LRP1B: variants seen among roughly 807,000 people sequenced by gnomAD.
LRP1B encodes the protein LDL receptor related protein 1B.
In LRP1B, 217 loss-of-function variants were observed where a neutral mutation model predicts 556.6. That is an observed-to-expected ratio of 0.39 (90% CI 0.35 to 0.44). LRP1B has a LOEUF of 0.44. LRP1B is among the 20% of genes least tolerant of loss of function. LRP1B has a pLI of 1.00. For synonymous variants in LRP1B, 2,047 were observed against 1,865.8 expected (o/e 1.10, Z -2.50); for missense variants, 5,053 against 5,620.8 (o/e 0.90, Z 3.23).
rs550593924 is a variant in LRP1B, at chr2:140,485,396, G to A, written c.9372C>T (p.Leu3124=). Residue 3124 remains leucine, a synonymous_variant, in exon 59 of 91, where the codon CTC becomes CTT. Coordinates refer to ENST00000389484, the MANE Select transcript of LRP1B (RefSeq NM_018557.3). ...SKLNGLYPTI[L]VSKRLKFPRD... is the part of the protein sequence containing the mutation. The stretch of plus-strand genomic sequence containing the variant: ...TGGGAAACTTCAGCCTTTTGCTAAC[G>A]AGTATAGTAGGGTACAAGCCATTGA... The A allele has an allele frequency of 3.7e-6, 6 of 1,613,052 alleles. No individual in the cohort carries two copies. The African/African-American group carries it at 4.0e-5, about 11-fold the overall frequency.
At chr2:142,092,971 T>C (rs1046366936) in intron 1 of LRP1B, among the ~76,000 whole-genome samples, 8 of 152,058 alleles carry the variant, frequency 5.3e-5, no homozygotes, top group African/African-American at 1.7e-4. Context: ...CAAAATCACA[T>C]AGAAGAGTAA....
chr2:140,979,878 C>T (rs11904038), intron 18 of LRP1B, among the ~76,000 whole-genome samples: 45,991 of 151,814 alleles, frequency 0.3, 7,997 homozygotes, highest in African/African-American at 0.47. Context: ...AATTCCTTTA[C>T]CTGGGCCATA....
intron 77 of LRP1B, among the ~76,000 whole-genome samples, chr2:140,343,771 T>C (rs1681515517): frequency 6.6e-6 from 1 of 151,696 alleles, no homozygotes; most frequent in African/African-American, 2.4e-5. Context: ...CTTATTGATA[T>C]ATGCAACAAT....
At chr2:140,264,825 A>C (rs1682126308) in intron 86 of LRP1B, among the ~76,000 whole-genome samples, 1 of 152,026 alleles carries the variant, frequency 6.6e-6, no homozygotes, top group African/African-American at 2.4e-5. Flanking sequence ...TCTATGTGCC[A>C]CACACAGGGA....
chr2:140,237,763 C>G (rs1396934358), intron 89 of LRP1B, among the ~76,000 whole-genome samples: 1 of 150,698 alleles, frequency 6.6e-6, no homozygotes, highest in Non-Finnish European at 1.5e-5. Flanking sequence ...CTTTATCTAT[C>G]TATATATCTA....
intron 2 of LRP1B, among the ~76,000 whole-genome samples, chr2:141,728,512 G>A (rs1693136210): frequency 6.6e-6 from 1 of 152,082 alleles, no homozygotes; most frequent in Non-Finnish European, 1.5e-5. Flanking sequence ...TAAAATGCAA[G>A]TTAAGCTAAT....
intron 43 of LRP1B, among the ~76,000 whole-genome samples, chr2:140,580,052 T>C (rs1422546001): frequency 6.6e-6 from 1 of 152,142 alleles, no homozygotes; most frequent in Non-Finnish European, 1.5e-5. Context: ...TTCCATCAGC[T>C]CTCATGGCAT....
At position 140,456,444 on chromosome 2, in the gene LRP1B, C is replaced by A. The variant is rs779426205; in HGVS notation, c.9963+11G>T. 6.2e-7 allele frequency: 1 copy of A among 1,610,508 alleles called. No homozygotes were observed. Among genetic ancestry groups the A allele is most frequent in the Admixed American group, 1.7e-5 (1 of 59,478 alleles). On this transcript the variant is annotated intron_variant, in intron 62 of 90. Coordinates refer to ENST00000389484, the MANE Select transcript of LRP1B (RefSeq NM_018557.3). ...TACACTCTATAATAAGATTCCCAGA[C>A]CTCCACTCACCTGGCTGGCTGTGCA...
At chr2:141,899,362 T>C (rs542854788) in intron 1 of LRP1B, among the ~76,000 whole-genome samples, 25 of 152,270 alleles carry the variant, frequency 1.6e-4, no homozygotes, top group African/African-American at 5.5e-4. Flanking sequence ...AAATACTTTT[T>C]ATTATACTCA....
At chr2:141,333,935 T>C (rs1303140070) in intron 3 of LRP1B, among the ~76,000 whole-genome samples, 2 of 152,192 alleles carry the variant, frequency 1.3e-5, no homozygotes, top group Non-Finnish European at 2.9e-5. Flanking sequence ...ATGATGACAT[T>C]CCTGATCTCC....
chr2:140,746,814 G>A (rs1326703401), intron 35 of LRP1B, among the ~76,000 whole-genome samples: 2 of 151,740 alleles, frequency 1.3e-5, no homozygotes, highest in African/African-American at 4.8e-5. Context: ...AAATATTTTG[G>A]CCTTACTTTC....
chr2:141,364,470 T>C (rs1028115071), intron 3 of LRP1B, among the ~76,000 whole-genome samples: 3 of 152,134 alleles, frequency 2.0e-5, no homozygotes, highest in African/African-American at 7.2e-5. Context: ...CCCATAAATA[T>C]GTACAATTAT....
chr2:141,213,549 G>C (rs1682657343), intron 6 of LRP1B, among the ~76,000 whole-genome samples: 1 of 152,088 alleles, frequency 6.6e-6, no homozygotes. Flanking sequence ...AGTCCCTGAA[G>C]AAAACCCACA....
At chr2:141,119,637 C>G (rs1443658564) in intron 7 of LRP1B, among the ~76,000 whole-genome samples, 1 of 151,606 alleles carries the variant, frequency 6.6e-6, no homozygotes, top group East Asian at 1.9e-4. Flanking sequence ...AAATCCAAAG[C>G]ACTAAATCAA....
intron 1 of LRP1B, among the ~76,000 whole-genome samples, chr2:141,811,343 A>G (rs897028525): frequency 2.6e-5 from 4 of 152,120 alleles, no homozygotes; most frequent in African/African-American, 9.7e-5. Context: ...AACATTAAAT[A>G]GGTCTCGGTG....
intron 7 of LRP1B, among the ~76,000 whole-genome samples, chr2:141,187,432 T>TA (rs148874728): frequency 0.021 from 3,256 of 152,214 alleles, 44 homozygotes; most frequent in South Asian, 0.065. Context: ...GTTTAGGATA[T>TA]GTTCCATCAG....
chr2:141,745,057 G>C (rs1014297571), intron 2 of LRP1B, among the ~76,000 whole-genome samples: 1 of 152,130 alleles, frequency 6.6e-6, no homozygotes, highest in Non-Finnish European at 1.5e-5. Context: ...CTCTTTGTCT[G>C]TGCTAAGCTG....
intron 41 of LRP1B, among the ~76,000 whole-genome samples, chr2:140,688,604 C>T (rs1027605261): frequency 7.9e-5 from 12 of 152,168 alleles, no homozygotes; most frequent in African/African-American, 2.4e-4. Context: ...ATGTTTGCAG[C>T]CCATTTTCAG....
rs1013029682 is a variant in LRP1B, at chr2:141,451,694, C to A, written c.343+28702G>T. ...AAAACATTTCTTTGAGAATTTCAAT[C>A]CTTTTCTACTCTCTTATTGTATCTT... On this transcript the variant is annotated intron_variant, in intron 3 of 90. Coordinates refer to ENST00000389484, the MANE Select transcript of LRP1B (RefSeq NM_018557.3). Among the ~76,000 whole-genome samples the A allele has an allele frequency of 3.9e-5, 6 of 152,104 alleles. No homozygotes were observed. The East Asian group carries it at 1.2e-3, about 29-fold the overall frequency.
Sources: gnomAD v4.1 joint callset for allele counts (sites outside exome capture counted in the v4.1 genomes callset) on GRCh38, gnomAD v4.1.1 for gene constraint, MANE v1.5 for transcripts, NCBI Gene and HGNC (gene_info 2026-07-23, HGNC 2026-07-21) for gene names.